The following SMAP1 variants were observed in gnomAD, a reference collection of about 807,000 sequenced individuals.
The protein encoded by SMAP1 is small ArfGAP 1.
A neutral mutation model predicts 58.5 loss-of-function variants in SMAP1; 24 were observed. The observed-to-expected ratio is 0.41, with a 90% confidence interval of 0.30 to 0.58. The LOEUF is 0.58. Among genes scored for constraint, SMAP1 ranks in the 20% least tolerant of loss-of-function variants. The pLI, the probability that SMAP1 is intolerant of heterozygous loss-of-function variation, is 0.29. For missense variants in SMAP1, 563 were observed against 566.3 expected (o/e 0.99, Z 0.06); for synonymous variants, 216 against 196.6 (o/e 1.10, Z -0.82).
At chr6:70,741,822 C>G (rs1765825152) in intron 2 of SMAP1, among the ~76,000 whole-genome samples, 1 of 152,200 alleles carries the variant, frequency 6.6e-6, no homozygotes, top group African/African-American at 2.4e-5. Context: ...CCTCTGAAAT[C>G]TAGGCGGAGG....
chr6:70,777,490 T>C (rs958405975), intron 4 of SMAP1, among the ~76,000 whole-genome samples: 2 of 152,178 alleles, frequency 1.3e-5, no homozygotes, highest in African/African-American at 2.4e-5. Flanking sequence ...TCGAGTTCCT[T>C]GTATATTATG....
intron 2 of SMAP1, among the ~76,000 whole-genome samples, chr6:70,747,991 T>TA (rs1398678653): frequency 1.3e-5 from 2 of 152,158 alleles, no homozygotes; most frequent in Non-Finnish European, 2.9e-5. Context: ...CAGCTTCCCC[T>TA]AAAAAACAAG....
intron 3 of SMAP1, among the ~76,000 whole-genome samples, chr6:70,766,883 T>C (rs1767012376): frequency 6.6e-6 from 1 of 152,218 alleles, no homozygotes; most frequent in South Asian, 2.1e-4. Context: ...GTTTTAGGTC[T>C]AACATTTAAG....
At chr6:70,833,875 G>C (rs1770462618) in intron 6 of SMAP1, among the ~76,000 whole-genome samples, 1 of 152,048 alleles carries the variant, frequency 6.6e-6, no homozygotes, top group Non-Finnish European at 1.5e-5. Context: ...AAACTGTTTA[G>C]GATTTCTCTT....
intron 9 of SMAP1, 36 bp downstream of exon 9, chr6:70,857,066 C>A: frequency 6.4e-7 from 1 of 1,551,304 alleles, no homozygotes; most frequent in Non-Finnish European, 8.7e-7. Flanking sequence ...AGTGACATTA[C>A]TAGAAGTACA....
intron 3 of SMAP1, among the ~76,000 whole-genome samples, chr6:70,770,732 G>T (rs934489924): frequency 6.6e-6 from 1 of 152,176 alleles, no homozygotes; most frequent in African/African-American, 2.4e-5. Context: ...ATCGTCTGAA[G>T]CCTTTTTCTC....
chr6:70,735,475 T>C (rs1256030263), intron 2 of SMAP1, among the ~76,000 whole-genome samples: 1 of 152,204 alleles, frequency 6.6e-6, no homozygotes, highest in African/African-American at 2.4e-5. Flanking sequence ...TAATAATTTC[T>C]TTGATATAAA....
At position 70,769,914 on chromosome 6, in the gene SMAP1, T is replaced by C. The variant is rs1254427666; in HGVS notation, c.339-3436T>C. ...ACCGGTTGTTCCTTTCCATGTTTAG[T>C]GCTTCCTTCAGGAGCTCTCTTAGGG... On this transcript the variant is annotated intron_variant, in intron 3 of 10. Coordinates refer to ENST00000370455, the MANE Select transcript of SMAP1 (RefSeq NM_001044305.3). Among the ~76,000 whole-genome samples, 4 of 151,840 alleles carry C rather than the reference T, an allele frequency of 2.6e-5. No homozygotes were observed. In the South Asian group the frequency reaches 6.2e-4, roughly 24 times the overall value.
intron 3 of SMAP1, among the ~76,000 whole-genome samples, chr6:70,771,499 C>T (rs902822477): frequency 2.6e-5 from 4 of 152,192 alleles, no homozygotes; most frequent in Non-Finnish European, 5.9e-5. Flanking sequence ...GCAGTTTGGT[C>T]TCAGATTGCT....
intron 6 of SMAP1, among the ~76,000 whole-genome samples, chr6:70,821,415 A>G (rs62419724): frequency 0.14 from 21,194 of 152,118 alleles, 1,563 homozygotes; most frequent in Middle Eastern, 0.23. Context: ...GCTGCTATGA[A>G]CATTCTTATA....
chr6:70,854,203 C>T (rs2150010914), intron 8 of SMAP1, among the ~76,000 whole-genome samples: 1 of 152,314 alleles, frequency 6.6e-6, no homozygotes, highest in Non-Finnish European at 1.5e-5. Flanking sequence ...AAAATCATAT[C>T]TAATACTTCT....
At chr6:70,753,626 T>C (rs908238810) in intron 2 of SMAP1, among the ~76,000 whole-genome samples, 41 of 152,188 alleles carry the variant, frequency 2.7e-4, no homozygotes, top group African/African-American at 9.9e-4. Context: ...ACTCTTCTTA[T>C]GCTAACTTCA....
At chr6:70,857,740 A>C (rs1198166385) in intron 9 of SMAP1, 182 bp from the exon 10 acceptor site, 1 of 606,590 alleles carries the variant, frequency 1.6e-6, no homozygotes, top group Non-Finnish European at 2.9e-6. Context: ...ATTTGTCTGC[A>C]TCCTAGAAAC....
intron 1 of SMAP1, among the ~76,000 whole-genome samples, chr6:70,692,794 T>C (rs983644610): frequency 3.3e-5 from 5 of 152,164 alleles, no homozygotes; most frequent in Non-Finnish European, 7.4e-5. Flanking sequence ...TTTTTTGTTG[T>C]TGTTTTTGAG....
At chr6:70,710,265 G>A (rs1767998538) in intron 1 of SMAP1, among the ~76,000 whole-genome samples, 1 of 152,064 alleles carries the variant, frequency 6.6e-6, no homozygotes, top group African/African-American at 2.4e-5. Flanking sequence ...GGCTGAGGTG[G>A]GCGGATCATG....
intron 6 of SMAP1, among the ~76,000 whole-genome samples, chr6:70,809,847 A>G (rs1478607168): frequency 6.6e-6 from 1 of 152,164 alleles, no homozygotes; most frequent in Non-Finnish European, 1.5e-5. Flanking sequence ...TAGTTTGATG[A>G]TGATCTTTTG....
At chr6:70,754,842 A>G (rs1020199477) in intron 2 of SMAP1, 138 bp from the exon 3 acceptor site, 2 of 498,252 alleles carry the variant, frequency 4.0e-6, no homozygotes, top group Non-Finnish European at 7.2e-6. Context: ...GTTGTGATTT[A>G]AATTATATTT....
At chr6:70,769,481 G>C (rs1188579609) in intron 3 of SMAP1, among the ~76,000 whole-genome samples, 1 of 152,170 alleles carries the variant, frequency 6.6e-6, no homozygotes, top group Non-Finnish European at 1.5e-5. Context: ...TCTTCTTGTT[G>C]AATTGATCCC....
At chr6:70,856,444 A>G (rs887612742) in intron 8 of SMAP1, among the ~76,000 whole-genome samples, 5 of 152,224 alleles carry the variant, frequency 3.3e-5, no homozygotes, top group African/African-American at 1.2e-4. Context: ...TTAAGTAGCC[A>G]TTGCAAATCC....
Sources: allele counts gnomAD v4.1 joint callset (sites outside exome capture counted in the v4.1 genomes callset), GRCh38; gene constraint gnomAD v4.1.1; transcripts MANE v1.5; gene names NCBI Gene and HGNC (gene_info 2026-07-23, HGNC 2026-07-21).